The following CHCHD6 variants were observed in gnomAD, a reference collection of about 807,000 sequenced individuals.
CHCHD6 encodes MICOS complex subunit MIC25.
A neutral mutation model predicts 32.3 loss-of-function variants in CHCHD6; 28 were observed. That is an observed-to-expected ratio of 0.87 (90% CI 0.64 to 1.19). The LOEUF (loss-of-function observed/expected upper bound fraction) is 1.19. Among genes scored for constraint, CHCHD6 ranks in the 50% most tolerant of loss-of-function variants. The pLI, the probability that CHCHD6 is intolerant of heterozygous loss-of-function variation, is 0.00. For synonymous variants in CHCHD6, 122 were observed against 117.5 expected (o/e 1.04, Z -0.25); for missense variants, 333 against 307.0 (o/e 1.08, Z -0.63).
At chr3:126,848,063 T>C (rs959036068) in intron 4 of CHCHD6, among the ~76,000 whole-genome samples, 4 of 152,216 alleles carry the variant, frequency 2.6e-5, no homozygotes, top group African/African-American at 9.6e-5. Flanking sequence ...CACCGCAGCC[T>C]CAAACTCCAG....
intron 4 of CHCHD6, among the ~76,000 whole-genome samples, chr3:126,747,453 G>T (rs942798143): frequency 5.3e-5 from 8 of 152,170 alleles, no homozygotes; most frequent in Non-Finnish European, 1.2e-4. Flanking sequence ...TGTCTAGACT[G>T]CAGTAAGCTC....
chr3:126,957,214 A>G (rs2078797891), intron 6 of CHCHD6: 3 of 624,326 alleles, frequency 4.8e-6, no homozygotes, highest in African/African-American at 1.8e-5. Context: ...TAAGCCACCC[A>G]CCACAGGGCT....
At chr3:126,746,519 C>T (rs907147107) in intron 4 of CHCHD6, among the ~76,000 whole-genome samples, 2 of 152,168 alleles carry the variant, frequency 1.3e-5, no homozygotes, top group African/African-American at 4.8e-5. Context: ...GCATCCAGGG[C>T]AGGATCCGCC....
intron 4 of CHCHD6, among the ~76,000 whole-genome samples, chr3:126,807,639 A>G (rs1939459515): frequency 2.6e-5 from 4 of 152,154 alleles, no homozygotes; most frequent in African/African-American, 2.4e-5. Context: ...GAGGAATAAG[A>G]CCTTCCAGAT....
intron 5 of CHCHD6, among the ~76,000 whole-genome samples, chr3:126,909,271 C>A (rs1277218882): frequency 6.6e-6 from 1 of 152,252 alleles, no homozygotes; most frequent in Non-Finnish European, 1.5e-5. Flanking sequence ...GCACTGGTCC[C>A]ACGCTGCTCT....
intron 1 of CHCHD6, among the ~76,000 whole-genome samples, chr3:126,721,538 CTT>C (rs1349585217): frequency 5.3e-5 from 8 of 152,308 alleles, no homozygotes; most frequent in South Asian, 4.1e-4. Context: ...GGCTGCTTCT[CTT>C]TGTTTTTGGT....
chr3:126,766,994 C>G (rs1234087356), intron 4 of CHCHD6: 2 of 874,014 alleles, frequency 2.3e-6, no homozygotes, highest in Non-Finnish European at 3.8e-6. Context: ...CAGGCTACGT[C>G]TCACACAGCT....
At chr3:126,942,637 A>G (rs1034257205) in intron 6 of CHCHD6, among the ~76,000 whole-genome samples, 5 of 152,062 alleles carry the variant, frequency 3.3e-5, no homozygotes, top group Admixed American at 2.6e-4. Flanking sequence ...TTTCTAGCGC[A>G]AGGTGTTCAG....
intron 4 of CHCHD6, among the ~76,000 whole-genome samples, chr3:126,804,357 G>A (rs939563068): frequency 3.6e-4 from 54 of 151,920 alleles, no homozygotes; most frequent in African/African-American, 6.0e-4. Context: ...TCAAATAGAC[G>A]CAATAAAAAA....
intron 6 of CHCHD6, among the ~76,000 whole-genome samples, chr3:126,929,562 A>G (rs1289400774): frequency 6.8e-6 from 1 of 147,438 alleles, no homozygotes; most frequent in African/African-American, 2.5e-5. Context: ...ATCTCTCTCA[A>G]CTCTCTCTCT....
chr3:126,765,518 G>A (rs1241532724), intron 4 of CHCHD6, among the ~76,000 whole-genome samples: 7 of 151,998 alleles, frequency 4.6e-5, no homozygotes, highest in Admixed American at 3.3e-4. Context: ...TCAGCAGAAC[G>A]GTACCCCGAG....
At chr3:126,818,153 C>G (rs1398809271) in intron 4 of CHCHD6, among the ~76,000 whole-genome samples, 1 of 152,204 alleles carries the variant, frequency 6.6e-6, no homozygotes, top group Non-Finnish European at 1.5e-5. Context: ...GTCTTCCTAA[C>G]TAGACAGACT....
At chr3:126,736,647 A>G (rs563753120) in intron 4 of CHCHD6, among the ~76,000 whole-genome samples, 1 of 152,332 alleles carries the variant, frequency 6.6e-6, no homozygotes, top group East Asian at 1.9e-4. Flanking sequence ...TTCTGATGAC[A>G]GAAGTGTTGC....
intron 4 of CHCHD6, among the ~76,000 whole-genome samples, chr3:126,804,896 A>G (rs1036955595): frequency 2.0e-5 from 3 of 152,158 alleles, no homozygotes; most frequent in East Asian, 1.9e-4. Flanking sequence ...CTGGTTCAAT[A>G]TACGCAAATC....
intron 1 of CHCHD6, among the ~76,000 whole-genome samples, chr3:126,726,551 TA>T (rs10707343): frequency 0.21 from 31,458 of 148,756 alleles, 3,504 homozygotes; most frequent in South Asian, 0.36. Context: ...CTTCAACTTG[TA>T]AAAAAAAAAA....
At chr3:126,836,854 G>C (rs1238691649) in intron 4 of CHCHD6, among the ~76,000 whole-genome samples, 2 of 152,198 alleles carry the variant, frequency 1.3e-5, no homozygotes, top group African/African-American at 4.8e-5. Context: ...AGTGCGCTGA[G>C]GATGTCGACA....
At chr3:126,732,506 TCA>T (rs1201440472) in intron 3 of CHCHD6, among the ~76,000 whole-genome samples, 1 of 152,220 alleles carries the variant, frequency 6.6e-6, no homozygotes, top group Non-Finnish European at 1.5e-5. Flanking sequence ...CATTATATGA[TCA>T]CACCATATTT....
intron 4 of CHCHD6, among the ~76,000 whole-genome samples, chr3:126,801,927 C>T (rs950234656): frequency 2.6e-5 from 4 of 152,210 alleles, no homozygotes; most frequent in African/African-American, 9.6e-5. Flanking sequence ...GTTCTGCAGG[C>T]ACCGCTGCTG....
At position 126,709,199 on chromosome 3, in the gene CHCHD6, G is replaced by A. The variant is rs531355409; in HGVS notation, c.87+4800G>A. ...TGTTTTCCTTTGGACCCATGGATAC[G>A]GAGGACTGACTGTAAACGTAAATGA... On this transcript the variant is annotated intron_variant, in intron 1 of 7. Coordinates refer to ENST00000290913, the MANE Select transcript of CHCHD6 (RefSeq NM_032343.3). Among the ~76,000 whole-genome samples the A allele has an allele frequency of 8.5e-5, 13 of 152,152 alleles. No individual in the cohort carries two copies. In the South Asian group the frequency reaches 1.5e-3, roughly 17 times the overall value.
Sources: gnomAD v4.1 joint callset for allele counts (sites outside exome capture counted in the v4.1 genomes callset) on GRCh38, gnomAD v4.1.1 for gene constraint, MANE v1.5 for transcripts, NCBI Gene and HGNC (gene_info 2026-07-23, HGNC 2026-07-21) for gene names.